The following PPEF1 variants were observed in gnomAD, a reference collection of about 807,000 sequenced individuals.
The protein encoded by PPEF1 is serine/threonine-protein phosphatase with EF-hands 1.
Under a neutral mutation model 53.3 loss-of-function variants are expected in PPEF1, and 12 were observed. The ratio of observed to expected loss-of-function variants is 0.23; its 90% confidence interval spans 0.14 to 0.36. The LOEUF is 0.36. Ranked by LOEUF, PPEF1 falls within the 10% of genes least tolerant of loss-of-function variation. The pLI, the probability that PPEF1 is intolerant of heterozygous loss-of-function variation, is 1.00. For synonymous variants in PPEF1, 165 were observed against 176.7 expected (o/e 0.93, Z 0.52); for missense variants, 334 against 490.4 (o/e 0.68, Z 3.01).
intron 12 of PPEF1, among the ~76,000 whole-genome samples, chrX:18,809,441 C>T (rs1284618385): frequency 1.8e-5 from 2 of 110,841 alleles, no homozygotes; most frequent in Non-Finnish European, 3.8e-5. Context: ...CGCAGTGGCT[C>T]ACGCTTGTAG....
In PPEF1 at chrX:18,779,056, T is replaced by A; in HGVS notation, c.605T>A (p.Phe202Tyr). The change falls in exon 7 of 16, where the codon TTT becomes TAT. Residue 202 changes from phenylalanine (F) to tyrosine (Y), a missense_variant. Phe to Tyr is a conservative substitution (Grantham distance 22). Transcript: ENST00000470157. ...ERNPYVFNGDFVDRGKNSIEI... is the reference protein window; with the variant it reads ...ERNPYVFNGDYVDRGKNSIEI... ...AACCCGTATGTTTTTAATGGTGACT[T>A]TGTAGATCGAGGAAAGAATTCCATA... The A allele has an allele frequency of 2.5e-6, 3 of 1,202,535 alleles. No homozygotes were observed. Among genetic ancestry groups the A allele is most frequent in the Non-Finnish European group, 3.4e-6 (3 of 888,140 alleles).
chrX:18,754,052 TAA>T (rs11334908), intron 4 of PPEF1, among the ~76,000 whole-genome samples: 101 of 96,083 alleles, frequency 1.1e-3, no homozygotes, highest in Non-Finnish European at 9.5e-4. Context: ...AGGAGCGATT[TAA>T]AAAAAAAAAA....
intron 1 of PPEF1, among the ~76,000 whole-genome samples, chrX:18,714,268 C>T (rs865992271): frequency 5.0e-5 from 3 of 59,560 alleles, no homozygotes; most frequent in Admixed American, 6.1e-4. Context: ...GTTTGTTTTT[C>T]GTTTTTTTGT....
At chrX:18,680,300 C>T (rs1602332353), upstream of PPEF1, among the ~76,000 whole-genome samples, 1 of 109,740 alleles carries the variant, frequency 9.1e-6, no homozygotes, top group Admixed American at 9.9e-5. Flanking sequence ...CGGGTCATAC[C>T]CAGATATCTT....
At chrX:18,705,282 A>C (rs1333468446), upstream of PPEF1, among the ~76,000 whole-genome samples, 2 of 112,285 alleles carry the variant, frequency 1.8e-5, no homozygotes, top group South Asian at 7.3e-4. Flanking sequence ...GCGAGTATGA[A>C]GGTAACGGAT....
chrX:18,821,178 G>C (rs778479337), intron 13 of PPEF1, among the ~76,000 whole-genome samples: 10 of 101,674 alleles, frequency 9.8e-5, no homozygotes, highest in Non-Finnish European at 4.0e-5. Context: ...AGCCGAGATT[G>C]CGCCACTGCA....
chrX:18,824,531 C>G (rs1369481713), intron 14 of PPEF1, among the ~76,000 whole-genome samples: 1 of 111,533 alleles, frequency 9.0e-6, no homozygotes, highest in African/African-American at 3.3e-5. Context: ...ACACTGTGGT[C>G]TGTTCAGCAA....
chrX:18,800,801 G>A (rs188766983), intron 10 of PPEF1, among the ~76,000 whole-genome samples: 272 of 111,553 alleles, frequency 2.4e-3, no homozygotes, highest in African/African-American at 8.6e-3. Context: ...TTAGTATCCT[G>A]GATGTAGGAG....
At chrX:18,746,605 T>C (rs2045334825) in intron 3 of PPEF1, among the ~76,000 whole-genome samples, 1 of 111,910 alleles carries the variant, frequency 8.9e-6, no homozygotes, top group Admixed American at 9.5e-5. Context: ...TGGAACTGAT[T>C]TGCTGTGTCA....
rs1225724878 is a variant in PPEF1, at chrX:18,722,828, G to T, written c.47-7353G>T. The stretch of plus-strand genomic sequence containing the variant: ...GGAGATAGGCGATGAGGGGAGAGGA[G>T]ACCATGTAAGAAGGGGTGGTCAGGA... On this transcript the variant is annotated intron_variant, in intron 1 of 15. Transcript: ENST00000470157. Among the ~76,000 whole-genome samples the T allele has an allele frequency of 5.4e-5, 6 of 110,793 alleles. No individual in the cohort carries two copies. The Admixed American group carries it at 5.8e-4, about 11-fold the overall frequency.
At chrX:18,795,081 G>A (rs377253518) in intron 10 of PPEF1, among the ~76,000 whole-genome samples, 2 of 111,419 alleles carry the variant, frequency 1.8e-5, no homozygotes, top group South Asian at 3.8e-4. Flanking sequence ...AGGCTGAGGT[G>A]GGCGGATTGC....
At chrX:18,743,446 C>CTT (rs72264344) in intron 3 of PPEF1, among the ~76,000 whole-genome samples, 48 of 59,316 alleles carry the variant, frequency 8.1e-4, no homozygotes, top group Non-Finnish European at 1.1e-3. Context: ...TTCTCTTTTT[C>CTT]TTTTTTTTTT....
At chrX:18,788,179 T>A (rs185593290) in intron 9 of PPEF1, among the ~76,000 whole-genome samples, 1 of 107,322 alleles carries the variant, frequency 9.3e-6, no homozygotes, top group African/African-American at 3.4e-5. Context: ...TAGCCGGGCG[T>A]GGTGGCGGGC....
intron 1 of PPEF1, among the ~76,000 whole-genome samples, chrX:18,715,040 C>A (rs1362178502): frequency 8.9e-6 from 1 of 111,960 alleles, no homozygotes; most frequent in African/African-American, 3.2e-5. Flanking sequence ...AAAATCGAGG[C>A]TATTCCCTTT....
At chrX:18,720,525 G>A (rs2044564538) in intron 1 of PPEF1, among the ~76,000 whole-genome samples, 1 of 110,756 alleles carries the variant, frequency 9.0e-6, no homozygotes, top group African/African-American at 3.3e-5. Flanking sequence ...CTGGGAGGCG[G>A]AGGTTGCAGT....
chrX:18,817,979 A>T, intron 12 of PPEF1, 60 bp from the exon 13 acceptor site: 1 of 898,917 alleles, frequency 1.1e-6, no homozygotes, highest in Non-Finnish European at 1.6e-6. Flanking sequence ...ATTGCACATT[A>T]AAATGAAACA....
intron 10 of PPEF1, among the ~76,000 whole-genome samples, chrX:18,790,996 A>G (rs1014587792): frequency 2.5e-4 from 28 of 111,405 alleles, no homozygotes; most frequent in African/African-American, 6.5e-5. Flanking sequence ...TAAAAAGACT[A>G]TACTTTCCTT....
At chrX:18,814,103 T>C (rs1161744236) in intron 12 of PPEF1, among the ~76,000 whole-genome samples, 1 of 111,718 alleles carries the variant, frequency 9.0e-6, no homozygotes, top group Non-Finnish European at 1.9e-5. Flanking sequence ...CATTTGGTTT[T>C]CTGTTCCTAT....
intron 3 of PPEF1, among the ~76,000 whole-genome samples, chrX:18,690,734 A>C (rs190294353): frequency 8.9e-6 from 1 of 112,602 alleles, no homozygotes; most frequent in African/African-American, 3.2e-5. Context: ...TACCATGTTC[A>C]TGAACACAAA....
Sources: allele counts gnomAD v4.1 joint callset (sites outside exome capture counted in the v4.1 genomes callset), GRCh38; gene constraint gnomAD v4.1.1; transcripts MANE v1.5; gene names NCBI Gene and HGNC (gene_info 2026-07-23, HGNC 2026-07-21).